The following FAM20B variants were observed in gnomAD, a reference collection of about 807,000 sequenced individuals.
FAM20B encodes FAM20B glycosaminoglycan xylosylkinase, also known as glycosaminoglycan xylosylkinase.
A neutral mutation model predicts 43.8 loss-of-function variants in FAM20B; 23 were observed. That is an observed-to-expected ratio of 0.53 (90% CI 0.38 to 0.74). FAM20B has a LOEUF of 0.74. Among genes scored for constraint, FAM20B ranks in the 30% least tolerant of loss-of-function variants. The pLI is 0.00. For synonymous variants in FAM20B, 178 were observed against 192.4 expected (o/e 0.93, Z 0.62); for missense variants, 440 against 510.5 (o/e 0.86, Z 1.33).
chr1:179,046,192 G>A (rs1295583623), intron 2 of FAM20B, among the ~76,000 whole-genome samples: 1 of 152,118 alleles, frequency 6.6e-6, no homozygotes, highest in Non-Finnish European at 1.5e-5. Flanking sequence ...CACACACATG[G>A]AATTCTCTAA....
At chr1:179,022,292 G>A (rs968174587), upstream of FAM20B, among the ~76,000 whole-genome samples, 4 of 152,282 alleles carry the variant, frequency 2.6e-5, no homozygotes, top group East Asian at 5.8e-4. Context: ...TCCTTTACTC[G>A]CTAGCCTTTC....
chr1:179,028,808 G>A (rs899433089), intron 1 of FAM20B, among the ~76,000 whole-genome samples: 4 of 152,096 alleles, frequency 2.6e-5, no homozygotes, highest in South Asian at 2.1e-4. Flanking sequence ...ATAAATATTC[G>A]TCAGTTGAAT....
At chr1:179,037,479 CTTTTTT>C (rs768903406) in intron 1 of FAM20B, among the ~76,000 whole-genome samples, 1 of 88,380 alleles carries the variant, frequency 1.1e-5, no homozygotes, top group African/African-American at 4.7e-5. Flanking sequence ...GTATGTCGGT[CTTTTTT>C]TTTTTTTTTT....
In FAM20B at chr1:179,044,133, A is replaced by G. The variant is rs969264770; in HGVS notation, c.286A>G (p.Ile96Val). The change falls in exon 2 of 8, where the codon ATC becomes GTC. Residue 96 changes from isoleucine to valine, a missense_variant. Transcript: ENST00000263733. ...CATGCATGCCATGGCCACCAAGAAA[A>G]TCATTAAAGCTGATGTGGGTTATAA... ...AVMHAMATKKIIKADVGYKGT... is the reference protein window; with the variant it reads ...AVMHAMATKKVIKADVGYKGT... 2 of 1,614,070 alleles carry G rather than the reference A, an allele frequency of 1.2e-6. No homozygotes were observed. The highest frequency in any genetic ancestry group is 2.7e-5 in the African/African-American group (2 of 74,920).
intron 1 of FAM20B, among the ~76,000 whole-genome samples, chr1:179,033,265 T>C (rs751429100): frequency 6.6e-6 from 1 of 152,230 alleles, no homozygotes; most frequent in Non-Finnish European, 1.5e-5. Flanking sequence ...GGCTCTGAAG[T>C]ATGCAAGTGG....
At chr1:179,050,074 A>G (rs564886586) in intron 2 of FAM20B, among the ~76,000 whole-genome samples, 4 of 152,372 alleles carry the variant, frequency 2.6e-5, no homozygotes, top group African/African-American at 9.6e-5. Context: ...TTGGTGACGT[A>G]GATAGAGAAT....
intron 1 of FAM20B, among the ~76,000 whole-genome samples, chr1:179,038,183 C>T (rs1197101624): frequency 1.3e-5 from 2 of 151,904 alleles, no homozygotes; most frequent in Non-Finnish European, 2.9e-5. Flanking sequence ...CTGAGTCTGG[C>T]AGATCACCTG....
At chr1:179,041,533 GGAGAAT>G (rs1650533138) in intron 1 of FAM20B, among the ~76,000 whole-genome samples, 1 of 152,218 alleles carries the variant, frequency 6.6e-6, no homozygotes, top group South Asian at 2.1e-4. Context: ...GGCTGAGGCA[GGAGAAT>G]CAGGCAGGGA....
the FAM20B span, among the ~76,000 whole-genome samples, chr1:179,020,261 C>T: frequency 1.3e-5 from 2 of 152,126 alleles, no homozygotes; most frequent in Non-Finnish European, 2.9e-5. Context: ...CTCAACCCTT[C>T]TGGTTGCCTC....
Position 179,025,997 on chromosome 1 carries a change from G to A in FAM20B, c.-235G>A, listed in dbSNP as rs1649749930. ...CGGCGGCGGCGGCTGGGGGCGGTGA[G>A]CGCGGCGTGGGGCTGCCCCTCCCCG... On this transcript the variant is annotated 5_prime_UTR_variant, in exon 1 of 8. Coordinates refer to ENST00000263733, the MANE Select transcript of FAM20B (RefSeq NM_014864.4). The A allele has an allele frequency of 6.8e-6, 1 of 147,142 alleles. No individual in the cohort carries two copies. The highest frequency in any genetic ancestry group is 1.8e-4 in the South Asian group (1 of 5,480). 9.1% of individuals were successfully genotyped at this position (147,142 alleles called of 1,614,324 possible). A position where few individuals can be genotyped will look rare whatever the true frequency, so the allele number is the denominator to read the frequency against.
At chr1:179,059,007 T>C (rs915944718) in intron 4 of FAM20B, among the ~76,000 whole-genome samples, 7 of 152,162 alleles carry the variant, frequency 4.6e-5, no homozygotes, top group Admixed American at 2.0e-4. Context: ...AGATAATGAA[T>C]TTAATCTTGG....
chr1:179,018,441 G>A, the FAM20B span, among the ~76,000 whole-genome samples: 1 of 151,990 alleles, frequency 6.6e-6, no homozygotes, highest in East Asian at 1.9e-4. Flanking sequence ...CGAGTAGCTG[G>A]GATTATGGGT....
At chr1:179,054,436 A>C (rs111888531) in intron 3 of FAM20B, 93 bp from the exon 4 acceptor site, 17 of 743,522 alleles carry the variant, frequency 2.3e-5, no homozygotes, top group African/African-American at 1.7e-4. Flanking sequence ...AACCCTTTAC[A>C]CATTTGACAT....
intron 3 of FAM20B, among the ~76,000 whole-genome samples, chr1:179,053,443 CCAAACAAACAAA>C (rs66615067): frequency 6.6e-6 from 1 of 150,810 alleles, no homozygotes; most frequent in African/African-American, 2.4e-5. Flanking sequence ...AACCAACCAC[CCAAACAAACAAA>C]CAAACAAACA....
intron 1 of FAM20B, among the ~76,000 whole-genome samples, chr1:179,028,911 C>G (rs924505832): frequency 6.6e-6 from 1 of 152,056 alleles, no homozygotes; most frequent in African/African-American, 2.4e-5. Context: ...AAAAAAAAAG[C>G]GTAGAAAATG....
rs182500481 is a variant in FAM20B, at chr1:179,029,969, A to C, written c.-134+3871A>C. On this transcript the variant is annotated intron_variant, in intron 1 of 7. Transcript: ENST00000263733. ...AGTTTGTTGTCCACTGTGCTTTTTG[A>C]ATTATTGAATCTACTTGAGTCGATT... Among the ~76,000 whole-genome samples, 408 of 152,298 alleles carry C rather than the reference A, an allele frequency of 2.7e-3. 2 individuals carry two copies. Among genetic ancestry groups the C allele is most frequent in the African/African-American group, 9.5e-3 (393 of 41,566 alleles).
chr1:179,053,537 T>C (rs1340300139), intron 3 of FAM20B, among the ~76,000 whole-genome samples: 1 of 152,212 alleles, frequency 6.6e-6, no homozygotes, highest in Non-Finnish European at 1.5e-5. Context: ...TGCTTTGGGT[T>C]GCTGTTTCTT....
At chr1:179,060,449 G>A (rs1425669335) in intron 4 of FAM20B, among the ~76,000 whole-genome samples, 2 of 152,088 alleles carry the variant, frequency 1.3e-5, no homozygotes, top group South Asian at 2.1e-4. Context: ...AGGGGTGAGC[G>A]AGCATTACCG....
In FAM20B at chr1:179,025,960, G is replaced by C. The variant is rs1204702507; in HGVS notation, c.-272G>C. On this transcript the variant is annotated 5_prime_UTR_variant, in exon 1 of 8. Transcript: ENST00000263733. ...GAATGGCCGGGCCGGGGGTGGGCCG[G>C]AGCCGCTGTGGCGGCGGCGGCGGCT... The C allele has an allele frequency of 2.0e-5, 3 of 147,864 alleles. No homozygotes were observed. The highest frequency in any genetic ancestry group is 1.9e-4 in the South Asian group (1 of 5,382). 9.2% of individuals were successfully genotyped at this position (147,864 alleles called of 1,614,324 possible).
Sources: allele counts gnomAD v4.1 joint callset (sites outside exome capture counted in the v4.1 genomes callset), GRCh38; gene constraint gnomAD v4.1.1; transcripts MANE v1.5; gene names NCBI Gene and HGNC (gene_info 2026-07-23, HGNC 2026-07-21).